The following ADAMTS6 variants were observed in gnomAD, a reference collection of about 807,000 sequenced individuals.
ADAMTS6 encodes ADAM metallopeptidase with thrombospondin type 1 motif 6.
A neutral mutation model predicts 144.3 loss-of-function variants in ADAMTS6; 23 were observed. That is an observed-to-expected ratio of 0.16 (90% confidence interval 0.11 to 0.23). ADAMTS6 has a LOEUF of 0.23. ADAMTS6 is among the 10% of genes least tolerant of loss of function. The probability of loss-of-function intolerance (pLI) is 1.00; values close to 1 mark genes in which losing one functional copy is unlikely to be tolerated. For synonymous variants in ADAMTS6, 444 were observed against 457.5 expected (o/e 0.97, Z 0.38); for missense variants, 999 against 1,379.6 (o/e 0.72, Z 4.37).
At chr5:65,398,739 GAGAGATAA>G (rs1392718091) in intron 7 of ADAMTS6, among the ~76,000 whole-genome samples, 1 of 149,380 alleles carries the variant, frequency 6.7e-6, no homozygotes, top group Non-Finnish European at 1.5e-5. Flanking sequence ...GAGAGAGAAA[GAGAGATAA>G]AGAGAGAAAG....
At chr5:65,432,158 T>C (rs563421057) in intron 7 of ADAMTS6, among the ~76,000 whole-genome samples, 63 of 152,102 alleles carry the variant, frequency 4.1e-4, no homozygotes, top group African/African-American at 1.4e-3. Context: ...TGTAGTGGGG[T>C]AGGGTACAAA....
At chr5:65,232,238 A>G (rs573675867) in intron 15 of ADAMTS6, among the ~76,000 whole-genome samples, 40 of 152,340 alleles carry the variant, frequency 2.6e-4, no homozygotes, top group Admixed American at 2.4e-3. Context: ...AAAGGATTAT[A>G]GCAATAAATG....
intron 24 of ADAMTS6, among the ~76,000 whole-genome samples, chr5:65,168,931 C>G (rs1482150260): frequency 6.9e-6 from 1 of 144,986 alleles, no homozygotes; most frequent in African/African-American, 2.5e-5. Flanking sequence ...CCATAAAAAC[C>G]CTAGAAGAAA....
intron 7 of ADAMTS6, among the ~76,000 whole-genome samples, chr5:65,402,281 A>G (rs1481784306): frequency 6.6e-6 from 1 of 152,068 alleles, no homozygotes; most frequent in African/African-American, 2.4e-5. Flanking sequence ...GCGAAAACAT[A>G]TATCCTAGGG....
intron 7 of ADAMTS6, among the ~76,000 whole-genome samples, chr5:65,440,436 A>G (rs1013268279): frequency 1.3e-5 from 2 of 152,242 alleles, no homozygotes; most frequent in Non-Finnish European, 2.9e-5. Flanking sequence ...GCCATGAAAC[A>G]GAGTGGGGAA....
chr5:65,466,270 C>T (rs991839738), intron 3 of ADAMTS6, among the ~76,000 whole-genome samples: 14 of 152,160 alleles, frequency 9.2e-5, no homozygotes, highest in Non-Finnish European at 1.8e-4. Context: ...TTCTCCCTCC[C>T]TTTCTCTTGG....
intron 7 of ADAMTS6, among the ~76,000 whole-genome samples, chr5:65,368,830 G>A (rs868168773): frequency 6.6e-6 from 1 of 152,122 alleles, no homozygotes. Context: ...CGAGGCGGGT[G>A]TATTACTTGA....
chr5:65,429,400 G>A lies in ADAMTS6; in HGVS notation c.1073+22075C>T, dbSNP rs142478796. The stretch of plus-strand genomic sequence containing the variant: ...TGGGTCATCATTTCTGAAGGCTCCA[G>A]TGTCGCATAAAACTTATATTAATGA... On this transcript the variant is annotated intron_variant, in intron 7 of 24. Transcript: ENST00000381055. Among the ~76,000 whole-genome samples, 371 of 152,180 alleles carry A rather than the reference G, an allele frequency of 2.4e-3. 2 individuals are homozygous for A. The highest frequency in any genetic ancestry group is 8.6e-3 in the African/African-American group (357 of 41,528).
chr5:65,443,874 A>C (rs1758063484), intron 7 of ADAMTS6, among the ~76,000 whole-genome samples: 1 of 152,036 alleles, frequency 6.6e-6, no homozygotes, highest in South Asian at 2.1e-4. Context: ...CATCATACTT[A>C]ATGGTGAAAG....
intron 7 of ADAMTS6, among the ~76,000 whole-genome samples, chr5:65,386,311 T>G (rs1752472129): frequency 6.6e-6 from 1 of 152,164 alleles, no homozygotes; most frequent in Non-Finnish European, 1.5e-5. Context: ...ATTTAAACAC[T>G]CCCCTTTATT....
At chr5:65,461,893 A>G (rs1759663473) in intron 3 of ADAMTS6, among the ~76,000 whole-genome samples, 1 of 152,218 alleles carries the variant, frequency 6.6e-6, no homozygotes, top group South Asian at 2.1e-4. Context: ...CTAAACCTCT[A>G]TGATTCTGCT....
rs530174944 is a variant in ADAMTS6 at position 65,398,764 on chromosome 5, A to C, written c.1073+52711T>G. Reference sequence around the variant, plus strand: ...GAGAGATAAAGAGAGAAAGAGAGAGAGAGAAAGAAGAGAGAGCAAGAAAGA... The same window carrying C: ...GAGAGATAAAGAGAGAAAGAGAGAGCGAGAAAGAAGAGAGAGCAAGAAAGA... On this transcript the variant is annotated intron_variant, in intron 7 of 24. Transcript: ENST00000381055. Among the ~76,000 whole-genome samples the C allele has an allele frequency of 5.4e-5, 8 of 148,806 alleles. No individual in the cohort carries two copies. In the South Asian group the frequency reaches 1.7e-3, roughly 32 times the overall value.
intron 3 of ADAMTS6, among the ~76,000 whole-genome samples, chr5:65,465,362 C>A (rs1250300430): frequency 1.3e-5 from 2 of 152,138 alleles, no homozygotes; most frequent in Non-Finnish European, 2.9e-5. Context: ...ACTATCTATT[C>A]CCCTAGCTAA....
Position 65,260,634 on chromosome 5 carries a change from C to T in ADAMTS6, c.1796G>A (p.Gly599Glu). 6.2e-7 allele frequency: 1 copy of T among 1,613,406 alleles called. No individual in the cohort carries two copies. Among genetic ancestry groups the T allele is most frequent in the Non-Finnish European group, 8.5e-7 (1 of 1,179,704 alleles). The change falls in exon 14 of 25, where the codon GGG (glycine) becomes GAG (glutamate). Residue 599 changes from glycine (G) to glutamate (E), a missense_variant. Coordinates refer to ENST00000381055, the MANE Select transcript of ADAMTS6 (RefSeq NM_197941.4). ...ACAGGAGCGATACCGTTTCCTTTCC[C>T]CAAGGCAATATTTTCCACCTCCTGA... ...APSGGGKYCL[G>E]ERKRYRSCNT...
chr5:65,191,287 A>C (rs1212654367), intron 21 of ADAMTS6, among the ~76,000 whole-genome samples: 1 of 152,160 alleles, frequency 6.6e-6, no homozygotes, highest in Non-Finnish European at 1.5e-5. Context: ...TTATTATTAC[A>C]AAAAATAGTA....
chr5:65,245,031 G>T (rs995652499), intron 14 of ADAMTS6, among the ~76,000 whole-genome samples: 9 of 152,136 alleles, frequency 5.9e-5, no homozygotes, highest in African/African-American at 2.2e-4. Flanking sequence ...ACGGCCTTGA[G>T]AAATTTACTT....
intron 9 of ADAMTS6, among the ~76,000 whole-genome samples, chr5:65,303,206 A>C (rs1743608364): frequency 6.6e-6 from 1 of 152,126 alleles, no homozygotes; most frequent in Non-Finnish European, 1.5e-5. Flanking sequence ...TTGATGATAG[A>C]TTCCCATGGT....
intron 12 of ADAMTS6, among the ~76,000 whole-genome samples, chr5:65,270,299 C>A (rs1233048095): frequency 1.3e-5 from 2 of 152,196 alleles, no homozygotes; most frequent in East Asian, 3.9e-4. Context: ...AATATTATAG[C>A]CCTAAGGGCA....
chr5:65,201,960 G>T (rs560110452), intron 20 of ADAMTS6, among the ~76,000 whole-genome samples: 2 of 152,100 alleles, frequency 1.3e-5, no homozygotes, highest in Non-Finnish European at 2.9e-5. Flanking sequence ...AGTGACAAGT[G>T]CCAGGAAAAA....
Sources: gnomAD v4.1 joint callset for allele counts (sites outside exome capture counted in the v4.1 genomes callset) on GRCh38, gnomAD v4.1.1 for gene constraint, MANE v1.5 for transcripts, NCBI Gene and HGNC (gene_info 2026-07-23, HGNC 2026-07-21) for gene names.